Variants in HSD17B12 observed in about 807,000 individuals in gnomAD.
The protein encoded by HSD17B12 is very-long-chain 3-oxoacyl-CoA reductase.
Under a neutral mutation model 39.3 loss-of-function variants are expected in HSD17B12, and 32 were observed. The observed-to-expected ratio is 0.81, with a 90% CI of 0.61 to 1.09. HSD17B12 has a LOEUF of 1.09. Among genes scored for constraint, HSD17B12 ranks in the 50% least tolerant of loss-of-function variants. The pLI is 0.00. For synonymous variants in HSD17B12, 150 were observed against 146.7 expected, an observed-to-expected ratio of 1.02 and a Z score of -0.16; for missense variants, 342 against 382.9, an observed-to-expected ratio of 0.89 and a Z score of 0.89.
At chr11:43,808,322 T>G (rs1489461432) in intron 4 of HSD17B12, among the ~76,000 whole-genome samples, 1 of 151,444 alleles carries the variant, frequency 6.6e-6, no homozygotes, top group Admixed American at 6.6e-5. Context: ...GCTAGGAGAC[T>G]CATCAGGAAC....
At chr11:43,705,649 A>G (rs1950005872) in intron 1 of HSD17B12, among the ~76,000 whole-genome samples, 1 of 151,798 alleles carries the variant, frequency 6.6e-6, no homozygotes, top group Non-Finnish European at 1.5e-5. Context: ...CCATTTTTCC[A>G]TATTAATGTA....
the HSD17B12 span, among the ~76,000 whole-genome samples, chr11:43,618,961 A>G: frequency 6.6e-6 from 1 of 151,626 alleles, no homozygotes; most frequent in Non-Finnish European, 1.5e-5. Flanking sequence ...CAAGGCAGAC[A>G]AAGGGTAAAT....
chr11:43,826,081 CTTTT>C (rs71481435), intron 6 of HSD17B12, among the ~76,000 whole-genome samples: 13 of 75,274 alleles, frequency 1.7e-4, no homozygotes, highest in African/African-American at 5.2e-4. Context: ...CTTTTTTTTT[CTTTT>C]TTTTTTTTTT....
chr11:43,742,798 C>G (rs555405533), intron 1 of HSD17B12, among the ~76,000 whole-genome samples: 4 of 151,280 alleles, frequency 2.6e-5, no homozygotes, highest in Non-Finnish European at 5.9e-5. Flanking sequence ...TTACACTTCT[C>G]TGTTTTCTCA....
chr11:43,725,411 A>T (rs1227351309), intron 1 of HSD17B12, among the ~76,000 whole-genome samples: 35 of 152,354 alleles, frequency 2.3e-4, no homozygotes. Flanking sequence ...CAGTAATAAC[A>T]ATGATGGGGA....
chr11:43,725,314 A>G (rs1950211309), intron 1 of HSD17B12, among the ~76,000 whole-genome samples: 1 of 152,224 alleles, frequency 6.6e-6, no homozygotes, highest in African/African-American at 2.4e-5. Context: ...AAAAAAGATG[A>G]TGCTTGTTTA....
At chr11:43,679,339 C>G (rs1455281519), upstream of HSD17B12, among the ~76,000 whole-genome samples, 1 of 152,130 alleles carries the variant, frequency 6.6e-6, no homozygotes, top group Non-Finnish European at 1.5e-5. Context: ...GTTGGAAGTT[C>G]TGGCCAGGGC....
the HSD17B12 span, among the ~76,000 whole-genome samples, chr11:43,654,529 G>A: frequency 6.6e-6 from 1 of 151,948 alleles, no homozygotes; most frequent in East Asian, 1.9e-4. Flanking sequence ...ATGGTTTTAG[G>A]TCTAACATGT....
chr11:43,725,061 A>T (rs1053648691), intron 1 of HSD17B12, among the ~76,000 whole-genome samples: 2 of 152,200 alleles, frequency 1.3e-5, no homozygotes, highest in Non-Finnish European at 2.9e-5. Flanking sequence ...CTTGGAGAAC[A>T]GGATTTCTGA....
intron 3 of HSD17B12, among the ~76,000 whole-genome samples, chr11:43,785,095 G>T (rs1422805005): frequency 1.1e-5 from 1 of 93,996 alleles, no homozygotes; most frequent in Non-Finnish European, 2.5e-5. Flanking sequence ...AAGTAAACAG[G>T]GTTTTTTTTT....
chr11:43,741,734 CT>C (rs534584200), intron 1 of HSD17B12, among the ~76,000 whole-genome samples: 110 of 130,462 alleles, frequency 8.4e-4, no homozygotes, highest in Middle Eastern at 4.1e-3. Flanking sequence ...TTTTCTTTTT[CT>C]TTTTTTTTTT....
chr11:43,821,477 C>A (rs1951182433), intron 6 of HSD17B12, among the ~76,000 whole-genome samples: 2 of 152,188 alleles, frequency 1.3e-5, no homozygotes, highest in African/African-American at 4.8e-5. Flanking sequence ...TAAGATACAT[C>A]TTATTTCTCA....
At position 43,810,312 on chromosome 11, in the gene HSD17B12, CT is replaced by C. The variant is rs35231027; in HGVS notation, c.392-5118del. 2.0e-3 allele frequency among the ~76,000 whole-genome samples: 288 copies of C among 146,300 alleles called. 5 individuals carry two copies. The East Asian group carries it at 0.045, about 23-fold the overall frequency. ...AAGAAACAGAAATCTTGTAAATATT[CT>C]TTTTTTAAGAGCATAAAATTTGGAA... On this transcript the variant is annotated intron_variant, in intron 4 of 10. Coordinates refer to ENST00000278353, the MANE Select transcript of HSD17B12 (RefSeq NM_016142.3).
At position 43,724,791 on chromosome 11, in the gene HSD17B12, G is replaced by A. The variant is rs574949843; in HGVS notation, c.161-26120G>A. ...TTGGGGGAACACAAACATTCAGACCGTAACAGAGATGATGTTTTGATTCCA... is the reference window on the plus strand; with the variant it reads ...TTGGGGGAACACAAACATTCAGACCATAACAGAGATGATGTTTTGATTCCA... On this transcript the variant is annotated intron_variant, in intron 1 of 10. Transcript: ENST00000278353. Among the ~76,000 whole-genome samples, 8 of 152,282 alleles carry A rather than the reference G, an allele frequency of 5.3e-5. No individual in the cohort carries two copies. In the South Asian group the frequency reaches 1.4e-3, roughly 28 times the overall value.
chr11:43,653,097 A>C, the HSD17B12 span, among the ~76,000 whole-genome samples: 1 of 152,040 alleles, frequency 6.6e-6, no homozygotes, highest in Non-Finnish European at 1.5e-5. Context: ...GAAGGAGGGC[A>C]GGGGAAGGAA....
upstream of HSD17B12, among the ~76,000 whole-genome samples, chr11:43,680,074 T>C (rs1204751423): frequency 6.6e-6 from 1 of 150,506 alleles, no homozygotes; most frequent in Non-Finnish European, 1.5e-5. Context: ...TTCTTTTCTT[T>C]TTTTTTTTGT....
chr11:43,838,366 G>T lies in HSD17B12; in HGVS notation c.586G>T (p.Val196Phe). ...TTCATCTGGCAGTGGCATGCTCCCT[G>T]TCCCACTCTTGACCATCTATTCTGC... is the stretch of plus-strand genomic sequence containing the variant. ...NISSGSGMLP[V>F]PLLTIYSATK... The change falls in exon 8 of 11, where the codon GTC (valine) becomes TTC (phenylalanine). Residue 196 changes from valine to phenylalanine, a missense_variant. By Grantham distance (50) the Val-to-Phe change is conservative. Coordinates refer to ENST00000278353, the MANE Select transcript of HSD17B12 (RefSeq NM_016142.3). The T allele has an allele frequency of 6.2e-7, 1 of 1,613,132 alleles. No homozygotes were observed. Among genetic ancestry groups the T allele is most frequent in the Non-Finnish European group, 8.5e-7 (1 of 1,179,308 alleles).
chr11:43,809,538 G>A (rs1307277539), intron 4 of HSD17B12, among the ~76,000 whole-genome samples: 1 of 152,088 alleles, frequency 6.6e-6, no homozygotes, highest in East Asian at 1.9e-4. Flanking sequence ...CCTTTTATTG[G>A]CCAGGCGTGA....
Position 43,718,909 on chromosome 11 carries a change from G to A in HSD17B12, c.161-32002G>A, listed in dbSNP as rs1337440301. ...AGCTTGACCACTATGCTGTCATCAAGTTTCCATTGACCACTGAGTCTGCCA... is the reference window on the plus strand; with the variant it reads ...AGCTTGACCACTATGCTGTCATCAAATTTCCATTGACCACTGAGTCTGCCA... On this transcript the variant is annotated intron_variant, in intron 1 of 10. Transcript: ENST00000278353. The A allele has an allele frequency of 3.1e-5, 31 of 996,478 alleles. No homozygotes were observed. The Admixed American group carries it at 5.1e-4, about 16-fold the overall frequency. 61.7% of individuals were successfully genotyped at this position (996,478 alleles called of 1,614,324 possible).
Sources: gnomAD v4.1 joint callset for allele counts (sites outside exome capture counted in the v4.1 genomes callset) on GRCh38, gnomAD v4.1.1 for gene constraint, MANE v1.5 for transcripts, NCBI Gene and HGNC (gene_info 2026-07-23, HGNC 2026-07-21) for gene names.